The following FBXO21 variants were observed in gnomAD, a reference collection of about 807,000 sequenced individuals.
FBXO21 encodes F-box protein 21, also known as F-box only protein 21.
FBXO21 carries 32 observed loss-of-function variants against 76.6 expected under a neutral mutation model. The observed-to-expected ratio is 0.42, with a 90% CI of 0.32 to 0.56. The LOEUF is 0.56. Ranked by LOEUF, FBXO21 falls within the 20% of genes least tolerant of loss-of-function variation. The pLI is 0.16. For synonymous variants in FBXO21, 328 were observed against 311.5 expected (o/e 1.05, Z -0.56); for missense variants, 586 against 797.3 (o/e 0.73, Z 3.19).
chr12:117,179,180 A>G (rs1044976300), intron 3 of FBXO21, among the ~76,000 whole-genome samples: 7 of 152,248 alleles, frequency 4.6e-5, no homozygotes, highest in Non-Finnish European at 1.0e-4. Flanking sequence ...GTTGTAAAAT[A>G]TATCAATCTA....
rs1249172876 is a variant in FBXO21, at chr12:117,190,223, C to G, written c.234G>C (p.Arg78=). ...GCGCGGGGCCGCTGGCTCACCTCAC[C>G]CGGAACTGCTCCTTCCACACCTTCC... The part of the protein sequence containing the change: ...SSGKVWKEQF[R]VRWPSLMKHY... Residue 78 remains arginine (R), a synonymous_variant, in exon 1 of 12, where the codon CGG becomes CGC. Coordinates refer to ENST00000622495, the MANE Select transcript of FBXO21 (RefSeq NM_015002.3). The G allele has an allele frequency of 1.3e-6, 2 of 1,500,804 alleles. No homozygotes were observed. The highest frequency in any genetic ancestry group is 1.3e-5 in the South Asian group (1 of 78,198). 93.0% of individuals were successfully genotyped at this position (1,500,804 alleles called of 1,614,324 possible). A position where few individuals can be genotyped will look rare whatever the true frequency, so the allele number is the denominator to read the frequency against.
chr12:117,187,117 A>T (rs906734234), intron 2 of FBXO21, among the ~76,000 whole-genome samples: 1 of 151,196 alleles, frequency 6.6e-6, no homozygotes, highest in Non-Finnish European at 1.5e-5. Flanking sequence ...ACTCCGTTTT[A>T]AAAAAAATAA....
chr12:117,185,703 C>T (rs1404910834), intron 3 of FBXO21, among the ~76,000 whole-genome samples: 1 of 152,168 alleles, frequency 6.6e-6, no homozygotes, highest in Non-Finnish European at 1.5e-5. Context: ...GTTCAAAGAA[C>T]AAAGTAGATT....
At chr12:117,171,357 CAAAA>C (rs57835444) in intron 7 of FBXO21, among the ~76,000 whole-genome samples, 3 of 52,658 alleles carry the variant, frequency 5.7e-5, no homozygotes, top group Non-Finnish European at 1.0e-4. Flanking sequence ...GACCCTGTCT[CAAAA>C]AAAAAAAAAA....
At chr12:117,174,136 C>A in intron 6 of FBXO21, 69 bp downstream of exon 6, 1 of 1,327,618 alleles carries the variant, frequency 7.5e-7, no homozygotes, top group South Asian at 1.2e-5. Flanking sequence ...GACCCTGTCT[C>A]TAAAAACAGA....
At position 117,174,233 on chromosome 12, in the gene FBXO21, T is replaced by C. The variant is rs745406441; in HGVS notation, c.848A>G (p.Tyr283Cys). The change falls in exon 6 of 12, where the codon TAT becomes TGT. Residue 283 changes from tyrosine (Y) to cysteine (C), a missense_variant. Tyr to Cys is a radical substitution (Grantham distance 194, BLOSUM62 -2). Transcript: ENST00000622495. ...ATGCATATATAAGTTGAGGGCATTATAGTAATCCATTCGATTCCCCTTGAA... is the reference window on the plus strand; with the variant it reads ...ATGCATATATAAGTTGAGGGCATTACAGTAATCCATTCGATTCCCCTTGAA... The part of the protein sequence containing the change: ...LKFKGNRMDY[Y>C]NALNLYMHQV... 6.2e-7 allele frequency: 1 copy of C among 1,613,044 alleles called. No homozygotes were observed.
intron 9 of FBXO21, among the ~76,000 whole-genome samples, chr12:117,161,572 G>T (rs1955976908): frequency 6.6e-6 from 1 of 152,188 alleles, no homozygotes; most frequent in Admixed American, 6.5e-5. Context: ...AGGAGGCCAG[G>T]GCACTGCTTC....
At position 117,174,348 on chromosome 12, in the gene FBXO21, C is replaced by A; in HGVS notation, c.740-7G>T. The A allele has an allele frequency of 6.2e-7, 1 of 1,613,816 alleles. No individual in the cohort carries two copies. Among genetic ancestry groups the A allele is most frequent in the Non-Finnish European group, 8.5e-7 (1 of 1,179,880 alleles). On this transcript the variant is annotated splice_region_variant and splice_polypyrimidine_tract_variant and intron_variant, in intron 5 of 11. Coordinates refer to ENST00000622495, the MANE Select transcript of FBXO21 (RefSeq NM_015002.3). ...ATTATCATGGATGATTCACCTGAAACACAGAGATCTACTCTGGGACCCAAG... is the reference window on the plus strand; with the variant it reads ...ATTATCATGGATGATTCACCTGAAAAACAGAGATCTACTCTGGGACCCAAG...
At chr12:117,146,977 T>A (rs539618057) in intron 11 of FBXO21, among the ~76,000 whole-genome samples, 13 of 152,248 alleles carry the variant, frequency 8.5e-5, no homozygotes, top group Middle Eastern at 3.4e-3. Flanking sequence ...GAGCAGTGGC[T>A]TATACCTGTA....
intron 7 of FBXO21, among the ~76,000 whole-genome samples, chr12:117,170,699 T>C (rs893325901): frequency 1.3e-5 from 2 of 152,210 alleles, no homozygotes; most frequent in Non-Finnish European, 2.9e-5. Context: ...TTATAGTGTA[T>C]GTCTGCTGTA....
intron 4 of FBXO21, among the ~76,000 whole-genome samples, chr12:117,175,660 T>C (rs1011788245): frequency 2.0e-5 from 3 of 152,192 alleles, no homozygotes; most frequent in African/African-American, 7.2e-5. Context: ...CCAGCTTCCC[T>C]ACCTGGAAGC....
chr12:117,168,499 G>C (rs1438060366), intron 7 of FBXO21, among the ~76,000 whole-genome samples: 1 of 151,828 alleles, frequency 6.6e-6, no homozygotes, highest in African/African-American at 2.4e-5. Flanking sequence ...CCTCCAGCCT[G>C]GGTGACAAAG....
rs563741666 is a variant in FBXO21 at position 117,144,747 on chromosome 12, T to C, written c.*1340A>G. 1.2e-4 allele frequency: 19 copies of C among 152,108 alleles called. No individual in the cohort carries two copies. The highest frequency in any genetic ancestry group is 3.4e-3 in the Middle Eastern group (1 of 294). 9.4% of individuals were successfully genotyped at this position (152,108 alleles called of 1,614,324 possible). Reference sequence around the variant, plus strand: ...CGCTTGAGAACTGGCAGGCCGAGAGTTGGTGGAGCTCCAGAGCTGCACAAA... The same window carrying C: ...CGCTTGAGAACTGGCAGGCCGAGAGCTGGTGGAGCTCCAGAGCTGCACAAA... On this transcript the variant is annotated 3_prime_UTR_variant, in exon 12 of 12. Transcript: ENST00000622495.
intron 1 of FBXO21, 119 bp downstream of exon 1, chr12:117,190,099 A>C: frequency 1.2e-5 from 4 of 346,030 alleles, no homozygotes; most frequent in Non-Finnish European, 1.6e-5. Flanking sequence ...GTCCGCGGGA[A>C]GGGGTCCGGG....
intron 3 of FBXO21, 126 bp from the exon 4 acceptor site, chr12:117,177,767 A>T: frequency 4.3e-6 from 3 of 691,620 alleles, no homozygotes; most frequent in Non-Finnish European, 7.0e-6. Context: ...CTCTTATAAT[A>T]ATTATAATGG....
chr12:117,162,219 G>C (rs900558919), intron 9 of FBXO21, among the ~76,000 whole-genome samples: 3 of 152,184 alleles, frequency 2.0e-5, no homozygotes, highest in Non-Finnish European at 4.4e-5. Context: ...GAGAAAGAGG[G>C]AAAGGAGAAC....
chr12:117,153,180 C>T (rs1241592854), intron 11 of FBXO21, among the ~76,000 whole-genome samples: 2 of 151,644 alleles, frequency 1.3e-5, no homozygotes, highest in Non-Finnish European at 2.9e-5. Context: ...GAGGCAGGTG[C>T]CAGTTAGGAA....
chr12:117,187,289 G>C (rs1012546257), intron 2 of FBXO21, among the ~76,000 whole-genome samples: 1 of 148,858 alleles, frequency 6.7e-6, no homozygotes, highest in Non-Finnish European at 1.5e-5. Flanking sequence ...GCGTAGTGGC[G>C]CATGCCAGTA....
chr12:117,190,313 C>T lies in FBXO21; in HGVS notation c.144G>A (p.Thr48=), dbSNP rs199702539. The change falls in exon 1 of 12, where the codon ACG becomes ACA. Residue 48 remains threonine (T), a synonymous_variant. Coordinates refer to ENST00000622495, the MANE Select transcript of FBXO21 (RefSeq NM_015002.3). ...LEYILCCGSL[T]AADIGRVSST... ...TGGAGACACGGCCGATGTCGGCGGC[C>T]GTCAGCGAGCCGCAGCACAGGATGT... 2 of 1,530,704 alleles carry T rather than the reference C, an allele frequency of 1.3e-6. No homozygotes were observed. Among genetic ancestry groups the T allele is most frequent in the Non-Finnish European group, 1.7e-6 (2 of 1,149,954 alleles). 94.8% of individuals were successfully genotyped at this position (1,530,704 alleles called of 1,614,324 possible).
Sources: allele counts gnomAD v4.1 joint callset (sites outside exome capture counted in the v4.1 genomes callset), GRCh38; gene constraint gnomAD v4.1.1; transcripts MANE v1.5; gene names NCBI Gene and HGNC (gene_info 2026-07-23, HGNC 2026-07-21).